The following SLC6A6 variants were observed in gnomAD, a reference collection of about 807,000 sequenced individuals.
SLC6A6 encodes the protein sodium- and chloride-dependent taurine transporter.
A neutral mutation model predicts 68.8 loss-of-function variants in SLC6A6; 16 were observed. The ratio of observed to expected loss-of-function variants is 0.23; its 90% CI spans 0.16 to 0.35. The LOEUF is 0.35. SLC6A6 is among the 10% of genes least tolerant of loss of function. The pLI, the probability that SLC6A6 is intolerant of heterozygous loss-of-function variation, is 1.00. For missense variants in SLC6A6, 474 were observed against 802.8 expected (o/e 0.59, Z 4.95); for synonymous variants, 312 against 315.4 (o/e 0.99, Z 0.12).
At position 14,483,066 on chromosome 3, in the gene SLC6A6, G is replaced by A. The variant is rs554540900; in HGVS notation, c.1722+1225G>A. Among the ~76,000 whole-genome samples the A allele has an allele frequency of 5.3e-5, 8 of 152,324 alleles. No individual in the cohort carries two copies. The East Asian group carries it at 1.3e-3, about 26-fold the overall frequency. ...CTGCTCTGATTGGTGAGTGCCCAAA[G>A]CAATTACATACCATTGGTTCAGGGG... On this transcript the variant is annotated intron_variant, in intron 14 of 14. Coordinates refer to ENST00000622186, the MANE Select transcript of SLC6A6 (RefSeq NM_003043.6).
At position 14,419,628 on chromosome 3, in the gene SLC6A6, G is replaced by A. The variant is rs527516001; in HGVS notation, c.-12+3175G>A. Among the ~76,000 whole-genome samples, 8 of 152,292 alleles carry A rather than the reference G, an allele frequency of 5.3e-5. No individual in the cohort carries two copies. The East Asian group carries it at 1.4e-3, about 26-fold the overall frequency. ...TCAGGTAACCCACCCCTGAAATGGA[G>A]CAATAGTGGCACCCAGGAGGGTTAG... On this transcript the variant is annotated intron_variant, in intron 2 of 14. Coordinates refer to ENST00000622186, the MANE Select transcript of SLC6A6 (RefSeq NM_003043.6).
chr3:14,432,248 T>C (rs1699742371), intron 2 of SLC6A6, among the ~76,000 whole-genome samples: 1 of 152,224 alleles, frequency 6.6e-6, no homozygotes, highest in Non-Finnish European at 1.5e-5. Flanking sequence ...CCTTTCTCTT[T>C]TCTTGAGTTT....
Position 14,472,796 on chromosome 3 carries a change from A to G in SLC6A6, c.1209+479A>G, listed in dbSNP as rs1700783606. On this transcript the variant is annotated intron_variant, in intron 10 of 14. Transcript: ENST00000622186. This position sits in a 1 kb window ranked among gnomAD's most constrained non-coding sequence, Gnocchi z 4.5. ...GCTGATCATTGTCTGGGCCATCGTA[A>G]TAAGTTGCAAGTGCCCAGGAGAAGC... 6.6e-6 allele frequency among the ~76,000 whole-genome samples: 1 copy of G among 152,218 alleles called. No individual in the cohort carries two copies.
At chr3:14,451,540 G>A (rs753806931) in intron 5 of SLC6A6, among the ~76,000 whole-genome samples, 7 of 152,198 alleles carry the variant, frequency 4.6e-5, no homozygotes, top group Non-Finnish European at 7.4e-5. Flanking sequence ...AATGTTAGGC[G>A]GGTACATTTG....
intron 2 of SLC6A6, among the ~76,000 whole-genome samples, chr3:14,421,594 T>A (rs1559287716): frequency 6.6e-6 from 1 of 152,228 alleles, no homozygotes; most frequent in African/African-American, 2.4e-5. Flanking sequence ...GTATTGTGAT[T>A]ATGTTTGGTG....
chr3:14,460,737 C>T (rs922467039), intron 6 of SLC6A6, among the ~76,000 whole-genome samples: 1 of 152,262 alleles, frequency 6.6e-6, no homozygotes, highest in Non-Finnish European at 1.5e-5. Context: ...CAACCTCCTT[C>T]GTGGGGTGGC....
At chr3:14,410,502 C>T (rs1351708192) in intron 1 of SLC6A6, among the ~76,000 whole-genome samples, 1 of 152,178 alleles carries the variant, frequency 6.6e-6, no homozygotes, top group Non-Finnish European at 1.5e-5. Flanking sequence ...TGGTGAGCAG[C>T]TCTGGCCACT....
chr3:14,410,957 A>G (rs536689866), intron 1 of SLC6A6: 1 of 152,312 alleles, frequency 6.6e-6, no homozygotes, highest in Non-Finnish European at 1.5e-5. Flanking sequence ...AGTCAGCACC[A>G]TGAGGGAAGA....
At chr3:14,463,737 G>A (rs560992091) in intron 6 of SLC6A6, among the ~76,000 whole-genome samples, 2 of 152,220 alleles carry the variant, frequency 1.3e-5, no homozygotes, top group South Asian at 2.1e-4. Flanking sequence ...TCCCATCCTC[G>A]GGAAATCATG....
chr3:14,403,921 C>CT (rs1299381245), intron 1 of SLC6A6, among the ~76,000 whole-genome samples: 4 of 152,232 alleles, frequency 2.6e-5, no homozygotes. Context: ...ACCGGCCTGG[C>CT]TATTTTGGTC....
At chr3:14,425,410 G>A (rs1331938112) in intron 2 of SLC6A6, among the ~76,000 whole-genome samples, 2 of 152,150 alleles carry the variant, frequency 1.3e-5, no homozygotes, top group Non-Finnish European at 2.9e-5. Context: ...GGCAGGGAGG[G>A]CCCCTCCTCT....
chr3:14,488,118 C>T lies in SLC6A6; in HGVS notation c.*3111C>T, dbSNP rs1032572986. 3.3e-5 allele frequency: 5 copies of T among 152,948 alleles called. No homozygotes were observed. The East Asian group carries it at 9.7e-4, about 30-fold the overall frequency. The allele number at this position is 152,948 out of a possible 1,614,324, so 9.5% of individuals were successfully genotyped here. A position where few individuals can be genotyped will look rare whatever the true frequency, so the allele number is the denominator to read the frequency against. ...AGATCCCTGTTTGTGAAAGAGGGAA[C>T]TGAGGTGCAGAGAAGCCAGAGGTGT... On this transcript the variant is annotated 3_prime_UTR_variant, in exon 15 of 15. Coordinates refer to ENST00000622186, the MANE Select transcript of SLC6A6 (RefSeq NM_003043.6).
intron 10 of SLC6A6, among the ~76,000 whole-genome samples, chr3:14,474,770 A>G (rs1700834435): frequency 6.6e-6 from 1 of 152,182 alleles, no homozygotes; most frequent in Non-Finnish European, 1.5e-5. Context: ...TTCCCCTTGA[A>G]TTCCCCCAAA....
At chr3:14,417,513 C>T (rs894596822) in intron 2 of SLC6A6, among the ~76,000 whole-genome samples, 20 of 152,200 alleles carry the variant, frequency 1.3e-4, no homozygotes, top group Admixed American at 1.0e-3. Flanking sequence ...GGGCAGATCA[C>T]GAGGTCAGGA....
intron 2 of SLC6A6, among the ~76,000 whole-genome samples, chr3:14,432,462 C>T (rs949580872): frequency 2.0e-5 from 3 of 152,194 alleles, no homozygotes; most frequent in South Asian, 2.1e-4. Context: ...CCACTCCTTC[C>T]GCAGGCTCCA....
chr3:14,459,124 C>T (rs965549696), intron 6 of SLC6A6, among the ~76,000 whole-genome samples: 25 of 152,142 alleles, frequency 1.6e-4, no homozygotes, highest in Non-Finnish European at 3.2e-4. Context: ...AGAACAAAGG[C>T]GTTTGCTCAT....
In SLC6A6 at chr3:14,440,465, C is replaced by A. The variant is rs1699956894; in HGVS notation, c.-11-3159C>A. The stretch of plus-strand genomic sequence containing the variant: ...GGAGAAGGGGAGAGGGAAGATGGGG[C>A]CAGAGGGTCGGCAGGGGCATGTGCT... On this transcript the variant is annotated intron_variant, in intron 2 of 14. Coordinates refer to ENST00000622186, the MANE Select transcript of SLC6A6 (RefSeq NM_003043.6). Among the ~76,000 whole-genome samples the A allele has an allele frequency of 3.3e-5, 5 of 152,020 alleles. No homozygotes were observed. In the South Asian group the frequency reaches 8.3e-4, roughly 25 times the overall value.
chr3:14,402,880 C>G lies in SLC6A6; in HGVS notation c.-54+33C>G, dbSNP rs1699017160. The G allele has an allele frequency of 2.6e-6, 1 of 391,890 alleles. No homozygotes were observed. The highest frequency in any genetic ancestry group is 4.5e-6 in the Non-Finnish European group (1 of 221,580). 24.3% of individuals were successfully genotyped at this position (391,890 alleles called of 1,614,324 possible). ...AGGGACCGGGAGCTGGGCGCGCAGC[C>G]GGCGCTGCCCGCCGTCTGCAGCCCC... On this transcript the variant is annotated intron_variant, in intron 1 of 14. Coordinates refer to ENST00000622186, the MANE Select transcript of SLC6A6 (RefSeq NM_003043.6). The surrounding 1 kb of genome is among the most constrained non-coding windows in gnomAD (Gnocchi z 4.8).
chr3:14,445,148 C>T (rs1283293086), intron 3 of SLC6A6, among the ~76,000 whole-genome samples: 3 of 152,158 alleles, frequency 2.0e-5, no homozygotes, highest in Non-Finnish European at 2.9e-5. Context: ...GGCAGCCGGG[C>T]GCGGTGGCTC....
Sources: gnomAD v4.1 joint callset for allele counts (sites outside exome capture counted in the v4.1 genomes callset) on GRCh38, gnomAD v4.1.1 for gene constraint, Gnocchi (gnomAD v3.1) non-coding constraint, MANE v1.5 for transcripts, NCBI Gene and HGNC (gene_info 2026-07-23, HGNC 2026-07-21) for gene names.